The following FAM83B variants were observed in gnomAD, a reference collection of about 807,000 sequenced individuals.
The protein encoded by FAM83B is protein FAM83B.
A neutral mutation model predicts 38.8 loss-of-function variants in FAM83B; 26 were observed. The observed-to-expected ratio is 0.67, with a 90% CI of 0.49 to 0.93. The LOEUF is 0.93. FAM83B is among the 40% of genes least tolerant of loss of function. The pLI is 0.00. For synonymous variants in FAM83B, 419 were observed against 423.1 expected, an observed-to-expected ratio of 0.99 and a Z score of 0.12; for missense variants, 1,237 against 1,197.3, an observed-to-expected ratio of 1.03 and a Z score of -0.49.
rs776792382 is a variant in FAM83B, at chr6:54,901,590, CCTTA to C, written c.445-24780_445-24777del. ...TTCTTATTAAAAATTTCATTGTTTC[CCTTA>C]TTTGATTCTTTAATGTTGAAACATA... On this transcript the variant is annotated intron_variant, in intron 2 of 4. Transcript: ENST00000306858. 1.0e-3 allele frequency among the ~76,000 whole-genome samples: 155 copies of C among 152,078 alleles called. No homozygotes were observed. The Middle Eastern group carries it at 0.027, about 27-fold the overall frequency.
At chr6:54,930,536 A>T (rs1293936227) in intron 4 of FAM83B, among the ~76,000 whole-genome samples, 3 of 152,110 alleles carry the variant, frequency 2.0e-5, no homozygotes, top group Non-Finnish European at 4.4e-5. Flanking sequence ...CTTTTAAATT[A>T]AAAAATTTAT....
Position 54,934,742 on chromosome 6 carries a change from A to G in FAM83B, c.735-4964A>G, listed in dbSNP as rs183238961. Among the ~76,000 whole-genome samples the G allele has an allele frequency of 2.0e-5, 3 of 152,282 alleles. No individual in the cohort carries two copies. The East Asian group carries it at 5.8e-4, about 29-fold the overall frequency. ...GATAGGAAGGAGTGCTTCATGGGAA[A>G]GGAAAGAGTAGGGAACCTGGAGGCC... is the stretch of plus-strand genomic sequence containing the variant. On this transcript the variant is annotated intron_variant, in intron 4 of 4. Coordinates refer to ENST00000306858, the MANE Select transcript of FAM83B (RefSeq NM_001010872.3).
chr6:54,878,694 C>A (rs930600680), intron 2 of FAM83B, among the ~76,000 whole-genome samples: 4 of 152,036 alleles, frequency 2.6e-5, no homozygotes, highest in Admixed American at 6.6e-5. Context: ...TCCCCACTGG[C>A]CATTTTAAGG....
At chr6:54,893,961 A>T (rs190899074) in intron 2 of FAM83B, among the ~76,000 whole-genome samples, 281 of 152,350 alleles carry the variant, frequency 1.8e-3, no homozygotes, top group Middle Eastern at 6.8e-3. Flanking sequence ...GTTATAGGTG[A>T]TAAAAGATCA....
At chr6:54,918,137 T>G (rs1159528632) in intron 2 of FAM83B, among the ~76,000 whole-genome samples, 1 of 152,196 alleles carries the variant, frequency 6.6e-6, no homozygotes. Context: ...GAAGTGATTC[T>G]ATGGTAATGA....
At chr6:54,929,670 A>G (rs1482329304) in intron 4 of FAM83B, among the ~76,000 whole-genome samples, 1 of 152,112 alleles carries the variant, frequency 6.6e-6, no homozygotes, top group Non-Finnish European at 1.5e-5. Context: ...AACCACACAT[A>G]AAAATCATCA....
At position 54,915,812 on chromosome 6, in the gene FAM83B, C is replaced by CAAAAAAA. The variant is rs58597609; in HGVS notation, c.445-10540_445-10534dup. On this transcript the variant is annotated intron_variant, in intron 2 of 4. Coordinates refer to ENST00000306858, the MANE Select transcript of FAM83B (RefSeq NM_001010872.3). ...TGGGCGACAGAGCGAGACTCCGTCT[C>CAAAAAAA]AAAAAAAAAAAAAAAAAAAAAAAAA... Among the ~76,000 whole-genome samples, 143 of 18,010 alleles carry CAAAAAAA rather than the reference C, an allele frequency of 7.9e-3. 10 individuals are homozygous for CAAAAAAA. Among genetic ancestry groups the CAAAAAAA allele is most frequent in the African/African-American group, 0.021 (88 of 4,250 alleles). The allele number at this position is 18,010 out of a possible 152,430, so 11.8% of individuals were successfully genotyped here.
chr6:54,851,202 AT>A (rs1771271071), intron 1 of FAM83B, among the ~76,000 whole-genome samples: 1 of 148,376 alleles, frequency 6.7e-6, no homozygotes, highest in Non-Finnish European at 1.5e-5. Flanking sequence ...TGGCCTTTTC[AT>A]CTTTTTTTGT....
chr6:54,917,272 T>C (rs544001899), intron 2 of FAM83B, among the ~76,000 whole-genome samples: 178 of 152,134 alleles, frequency 1.2e-3, no homozygotes, highest in Non-Finnish European at 2.2e-3. Context: ...GAGTAAATAC[T>C]CTCAGGCTGT....
chr6:54,869,119 G>T (rs1051548255), intron 1 of FAM83B, among the ~76,000 whole-genome samples: 5 of 152,206 alleles, frequency 3.3e-5, no homozygotes, highest in African/African-American at 4.8e-5. Flanking sequence ...TGGGCATTGT[G>T]AGAGATGGAA....
At chr6:54,901,497 T>C (rs1172632453) in intron 2 of FAM83B, among the ~76,000 whole-genome samples, 2 of 152,204 alleles carry the variant, frequency 1.3e-5, no homozygotes, top group Non-Finnish European at 2.9e-5. Flanking sequence ...ACATATTCCC[T>C]GAAAGAAGCT....
At chr6:54,912,128 T>A (rs1028287601) in intron 2 of FAM83B, among the ~76,000 whole-genome samples, 1 of 152,006 alleles carries the variant, frequency 6.6e-6, no homozygotes, top group Non-Finnish European at 1.5e-5. Flanking sequence ...TGAAGCATAT[T>A]TTATTTTCCC....
chr6:54,924,091 T>C (rs1773230555), intron 2 of FAM83B, among the ~76,000 whole-genome samples: 2 of 151,958 alleles, frequency 1.3e-5, no homozygotes, highest in Non-Finnish European at 2.9e-5. Flanking sequence ...GTATTTGTCT[T>C]TCTGTGTCTG....
chr6:54,854,143 T>G (rs894148350), intron 1 of FAM83B, among the ~76,000 whole-genome samples: 8 of 152,322 alleles, frequency 5.3e-5, no homozygotes, highest in African/African-American at 1.9e-4. Flanking sequence ...GGATGTGGTG[T>G]TGTTTCTCAT....
At chr6:54,924,546 C>T (rs1773244200) in intron 2 of FAM83B, among the ~76,000 whole-genome samples, 1 of 151,652 alleles carries the variant, frequency 6.6e-6, no homozygotes. Flanking sequence ...CTCTCAAGTT[C>T]ACCTTCCTTC....
intron 2 of FAM83B, among the ~76,000 whole-genome samples, chr6:54,886,453 A>G (rs1382911045): frequency 6.6e-6 from 1 of 152,090 alleles, no homozygotes; most frequent in Non-Finnish European, 1.5e-5. Flanking sequence ...AATTTCTTCA[A>G]TAGGTCTAAG....
intron 1 of FAM83B, among the ~76,000 whole-genome samples, chr6:54,855,911 A>C (rs1247071814): frequency 6.6e-6 from 1 of 152,220 alleles, no homozygotes; most frequent in African/African-American, 2.4e-5. Context: ...ATTGTCTCCC[A>C]AATAATTCAG....
In FAM83B at chr6:54,940,071, A is replaced by G. The variant is rs1484470840; in HGVS notation, c.1100A>G (p.Asn367Ser). The G allele has an allele frequency of 1.9e-6, 3 of 1,614,008 alleles. No individual in the cohort carries two copies. The highest frequency in any genetic ancestry group is 4.5e-5 in the East Asian group (2 of 44,880). The change falls in exon 5 of 5, where the codon AAT becomes AGT. Residue 367 changes from asparagine to serine, a missense_variant. Asn to Ser is a conservative substitution (Grantham distance 46). Coordinates refer to ENST00000306858, the MANE Select transcript of FAM83B (RefSeq NM_001010872.3). ...GYKPHFVPNF[N>S]GPNAIRQFQP... ...AAACCTCATTTTGTTCCTAACTTTA[A>G]TGGTCCAAACGCAATACGTCAGTTT...
chr6:54,885,014 T>C (rs916238497), intron 2 of FAM83B, among the ~76,000 whole-genome samples: 3 of 152,098 alleles, frequency 2.0e-5, no homozygotes, highest in Non-Finnish European at 2.9e-5. Context: ...CCTCGTGATC[T>C]GCCCGCCTCG....
Sources: allele counts gnomAD v4.1 joint callset (sites outside exome capture counted in the v4.1 genomes callset), GRCh38; gene constraint gnomAD v4.1.1; transcripts MANE v1.5; gene names NCBI Gene and HGNC (gene_info 2026-07-23, HGNC 2026-07-21).